NXPH1: variants seen among roughly 807,000 people sequenced by gnomAD.
NXPH1 encodes neurexophilin 1.
Under a neutral mutation model 23.7 loss-of-function variants are expected in NXPH1, and 5 were observed. That is an observed-to-expected ratio of 0.21 (90% CI 0.11 to 0.44). The LOEUF (loss-of-function observed/expected upper bound fraction) is 0.44. Ranked by LOEUF, NXPH1 falls within the 20% of genes least tolerant of loss-of-function variation. NXPH1 has a pLI of 0.99. For synonymous variants in NXPH1, 144 were observed against 122.2 expected (o/e 1.18, Z -1.18); for missense variants, 324 against 321.6 (o/e 1.01, Z -0.06).
intron 2 of NXPH1, among the ~76,000 whole-genome samples, chr7:8,453,339 CAAAA>C (rs572026945): frequency 2.0e-5 from 3 of 152,006 alleles, no homozygotes; most frequent in Non-Finnish European, 4.4e-5. Context: ...AGGAAAGAGA[CAAAA>C]AACCCACCCA....
chr7:8,536,306 G>A (rs552189502), intron 2 of NXPH1, among the ~76,000 whole-genome samples: 4 of 152,158 alleles, frequency 2.6e-5, no homozygotes, highest in African/African-American at 9.6e-5. Context: ...ATTGAGGGGA[G>A]TAAACATGGG....
At chr7:8,666,623 A>T (rs549214857) in intron 2 of NXPH1, among the ~76,000 whole-genome samples, 1 of 152,016 alleles carries the variant, frequency 6.6e-6, no homozygotes, top group Non-Finnish European at 1.5e-5. Context: ...ATTATTCTTT[A>T]GATGTTAGAA....
At position 8,467,379 on chromosome 7, in the gene NXPH1, A is replaced by G. The variant is rs140581878; in HGVS notation, c.54+31612A>G. On this transcript the variant is annotated intron_variant, in intron 2 of 2. Transcript: ENST00000405863. ...AAGGTCATATCATGCACATTTGCAT[A>G]TAGTTGGCATATGATTTACAGAAGC... 3.0e-3 allele frequency among the ~76,000 whole-genome samples: 457 copies of G among 152,302 alleles called. 3 individuals are homozygous for G. Among genetic ancestry groups the G allele is most frequent in the African/African-American group, 0.01 (431 of 41,570 alleles).
chr7:8,682,205 A>C (rs1420642851), intron 2 of NXPH1, among the ~76,000 whole-genome samples: 1 of 152,180 alleles, frequency 6.6e-6, no homozygotes, highest in African/African-American at 2.4e-5. Context: ...ACAGGTGGGA[A>C]AATAATTCAG....
At chr7:8,725,928 T>C (rs1161897078) in intron 2 of NXPH1, among the ~76,000 whole-genome samples, 2 of 152,194 alleles carry the variant, frequency 1.3e-5, no homozygotes, top group African/African-American at 4.8e-5. Context: ...CAATCTAAGG[T>C]CTAAATGACA....
At chr7:8,508,548 C>T (rs1817566467) in intron 2 of NXPH1, among the ~76,000 whole-genome samples, 1 of 152,086 alleles carries the variant, frequency 6.6e-6, no homozygotes, top group Admixed American at 6.6e-5. Context: ...AGTGTGTAAC[C>T]ATTTCTCCAT....
intron 2 of NXPH1, among the ~76,000 whole-genome samples, chr7:8,534,148 G>T (rs1184662370): frequency 1.3e-5 from 2 of 152,052 alleles, no homozygotes. Context: ...TTATAGATGG[G>T]ATTTCTCTAC....
intron 2 of NXPH1, among the ~76,000 whole-genome samples, chr7:8,546,575 A>G (rs183796712): frequency 4.0e-5 from 6 of 151,532 alleles, no homozygotes; most frequent in Admixed American, 4.0e-4. Flanking sequence ...TTGTGAATAT[A>G]CTTCATAAAT....
intron 2 of NXPH1, among the ~76,000 whole-genome samples, chr7:8,592,670 C>T (rs556361544): frequency 1.3e-5 from 2 of 151,960 alleles, no homozygotes; most frequent in African/African-American, 2.4e-5. Flanking sequence ...TTACAGAGCT[C>T]ATCGTCTCTG....
intron 2 of NXPH1, among the ~76,000 whole-genome samples, chr7:8,716,908 C>A (rs1001396492): frequency 2.0e-5 from 3 of 152,204 alleles, no homozygotes; most frequent in African/African-American, 7.2e-5. Flanking sequence ...ATTATTTCTT[C>A]ACCTCCCTAA....
intron 2 of NXPH1, among the ~76,000 whole-genome samples, chr7:8,493,410 C>A (rs947047293): frequency 6.6e-6 from 1 of 152,034 alleles, no homozygotes; most frequent in Non-Finnish European, 1.5e-5. Context: ...GTATATCAGA[C>A]TGCCTTATGC....
At chr7:8,680,466 G>A (rs1292309513) in intron 2 of NXPH1, among the ~76,000 whole-genome samples, 4 of 152,098 alleles carry the variant, frequency 2.6e-5, no homozygotes, top group East Asian at 1.9e-4. Context: ...AACAAATCTC[G>A]TGTCTTATAG....
intron 2 of NXPH1, among the ~76,000 whole-genome samples, chr7:8,561,511 A>G (rs1257627507): frequency 1.2e-4 from 18 of 151,674 alleles, no homozygotes; most frequent in Admixed American, 1.2e-3. Flanking sequence ...GCCACCTGAG[A>G]GACGCCCTGA....
chr7:8,437,877 C>A (rs1816223167), intron 2 of NXPH1, among the ~76,000 whole-genome samples: 1 of 152,246 alleles, frequency 6.6e-6, no homozygotes, highest in Non-Finnish European at 1.5e-5. Context: ...TCCAATTTCA[C>A]TCAAAACAAT....
At chr7:8,653,273 G>A (rs1820519665) in intron 2 of NXPH1, among the ~76,000 whole-genome samples, 1 of 152,042 alleles carries the variant, frequency 6.6e-6, no homozygotes, top group East Asian at 1.9e-4. Flanking sequence ...TAGTATATAT[G>A]AGTTACAGTA....
At position 8,547,986 on chromosome 7, in the gene NXPH1, C is replaced by T. The variant is rs114190068; in HGVS notation, c.54+112219C>T. The stretch of plus-strand genomic sequence containing the variant: ...TGTTTTTTTGATATGATTTATTTTC[C>T]TTTGGGTAGATACCTACTAGTGGGA... On this transcript the variant is annotated intron_variant, in intron 2 of 2. Transcript: ENST00000405863. Among the ~76,000 whole-genome samples the T allele has an allele frequency of 3.4e-3, 521 of 151,504 alleles. 6 individuals carry two copies. Among genetic ancestry groups the T allele is most frequent in the African/African-American group, 0.012 (492 of 41,428 alleles).
intron 2 of NXPH1, among the ~76,000 whole-genome samples, chr7:8,498,109 G>T (rs1817369500): frequency 6.6e-6 from 1 of 152,054 alleles, no homozygotes; most frequent in East Asian, 1.9e-4. Flanking sequence ...GCTAATATCT[G>T]TGAAAATGCT....
At chr7:8,535,407 C>T (rs182696855) in intron 2 of NXPH1, among the ~76,000 whole-genome samples, 243 of 152,044 alleles carry the variant, frequency 1.6e-3, no homozygotes, top group Non-Finnish European at 2.2e-3. Context: ...TTCTGAATAA[C>T]CTTGGCTATT....
At chr7:8,689,195 C>G (rs937443854) in intron 2 of NXPH1, among the ~76,000 whole-genome samples, 3 of 152,154 alleles carry the variant, frequency 2.0e-5, no homozygotes, top group African/African-American at 4.8e-5. Context: ...GGGCACTCAG[C>G]TTTGAATCTC....
Sources: allele counts gnomAD v4.1 joint callset (sites outside exome capture counted in the v4.1 genomes callset), GRCh38; gene constraint gnomAD v4.1.1; transcripts MANE v1.5; gene names NCBI Gene and HGNC (gene_info 2026-07-23, HGNC 2026-07-21).